LOXL2: variants seen among roughly 807,000 people sequenced by gnomAD.
LOXL2 encodes lysyl oxidase like 2, also known as lysyl oxidase homolog 2.
In LOXL2, 70 loss-of-function variants were observed where a neutral mutation model predicts 93.0. That is an observed-to-expected ratio of 0.75 (90% CI 0.62 to 0.92). The LOEUF (loss-of-function observed/expected upper bound fraction) is 0.92. Ranked by LOEUF, LOXL2 falls within the 40% of genes least tolerant of loss-of-function variation. The pLI is 0.00. For missense variants in LOXL2, 973 were observed against 1,054.9 expected (o/e 0.92, Z 1.08); for synonymous variants, 438 against 413.2 (o/e 1.06, Z -0.73).
At chr8:23,341,583 G>A (rs1364828896) in intron 3 of LOXL2, 11 of 308,260 alleles carry the variant, frequency 3.6e-5, no homozygotes, top group Non-Finnish European at 5.0e-5. Context: ...CTTTGAATGC[G>A]GATTTTGCAT....
intron 9 of LOXL2, among the ~76,000 whole-genome samples, chr8:23,315,509 C>T (rs1803380502): frequency 6.6e-6 from 1 of 152,130 alleles, no homozygotes; most frequent in African/African-American, 2.4e-5. Flanking sequence ...TTTTGGATCT[C>T]CCATGAGGAT....
intron 1 of LOXL2, among the ~76,000 whole-genome samples, chr8:23,403,002 G>A (rs1159826408): frequency 2.6e-5 from 4 of 151,976 alleles, no homozygotes; most frequent in Admixed American, 6.6e-5. Context: ...GTTTTTTGAT[G>A]GTCTTAGCTC....
At chr8:23,329,656 C>T (rs1304074027) in intron 5 of LOXL2, among the ~76,000 whole-genome samples, 1 of 152,214 alleles carries the variant, frequency 6.6e-6, no homozygotes, top group Non-Finnish European at 1.5e-5. Flanking sequence ...TTCAACTCCA[C>T]AGAGGGAGTG....
intron 1 of LOXL2, among the ~76,000 whole-genome samples, chr8:23,388,838 A>G (rs1263356831): frequency 1.3e-5 from 2 of 152,136 alleles, no homozygotes; most frequent in Admixed American, 1.3e-4. Context: ...ACTTTTAAGC[A>G]GGGCTTGTAT....
In LOXL2 at chr8:23,328,268, A is replaced by G. The variant is rs534980065; in HGVS notation, c.1150+114T>C. 28 of 1,146,412 alleles carry G rather than the reference A, an allele frequency of 2.4e-5. No individual in the cohort carries two copies. In the African/African-American group the frequency reaches 3.8e-4, roughly 16 times the overall value. 71.0% of individuals were successfully genotyped at this position (1,146,412 alleles called of 1,614,324 possible). On this transcript the variant is annotated intron_variant, in intron 6 of 13. Transcript: ENST00000389131. ...TGGGATTCTCTCCCAGGCAGCCACT[A>G]AAGGGAGGAGGGAAAGTGAGGATTT...
chr8:23,363,710 G>A (rs931279651), intron 2 of LOXL2: 1 of 152,156 alleles, frequency 6.6e-6, no homozygotes, highest in African/African-American at 2.4e-5. Context: ...CTGCCCCAAA[G>A]AGCTGCTCTC....
At chr8:23,322,304 C>G in intron 6 of LOXL2, 23 bp from the exon 7 acceptor site, 3 of 1,606,958 alleles carry the variant, frequency 1.9e-6, no homozygotes, top group Non-Finnish European at 2.6e-6. Context: ...AATAAACATG[C>G]TCTATGAAAG....
chr8:23,358,092 G>A (rs1281304715), intron 3 of LOXL2, among the ~76,000 whole-genome samples: 1 of 152,220 alleles, frequency 6.6e-6, no homozygotes, highest in African/African-American at 2.4e-5. Context: ...TATAAGGAAT[G>A]AAGATGGAAA....
chr8:23,329,373 C>T (rs1803637466), intron 5 of LOXL2, among the ~76,000 whole-genome samples: 1 of 152,228 alleles, frequency 6.6e-6, no homozygotes, highest in South Asian at 2.1e-4. Flanking sequence ...CCAGTGTTCA[C>T]TGACAGTCTG....
At position 23,307,761 on chromosome 8, in the gene LOXL2, C is replaced by G. The variant is rs145361306; in HGVS notation, c.1880+1907G>C. Among the ~76,000 whole-genome samples the G allele has an allele frequency of 1.5e-3, 231 of 152,280 alleles. 1 individual carries two copies. Among genetic ancestry groups the G allele is most frequent in the African/African-American group, 5.1e-3 (214 of 41,562 alleles). ...TCATGACTTTAACTCTACTGACTTACAACCTGAAGAAGACTAGCCTGCTTC... is the reference window on the plus strand; with the variant it reads ...TCATGACTTTAACTCTACTGACTTAGAACCTGAAGAAGACTAGCCTGCTTC... On this transcript the variant is annotated intron_variant, in intron 10 of 13. Coordinates refer to ENST00000389131, the MANE Select transcript of LOXL2 (RefSeq NM_002318.3).
chr8:23,386,137 G>A (rs1804756786), intron 1 of LOXL2: 1 of 723,256 alleles, frequency 1.4e-6, no homozygotes, highest in Non-Finnish European at 2.5e-6. Context: ...AACCAGGCCA[G>A]CCAGATACCA....
chr8:23,368,234 G>C lies in LOXL2; in HGVS notation c.118C>G (p.Pro40Ala), dbSNP rs780835410. 1.2e-6 allele frequency: 2 copies of C among 1,613,986 alleles called. No individual in the cohort carries two copies. The highest frequency in any genetic ancestry group is 1.3e-5 in the African/African-American group (1 of 75,066). Residue 40 changes from proline (P) to alanine (A), a missense_variant, in exon 2 of 14, where the codon CCG (proline) becomes GCG (alanine). Physicochemically the swap from Pro to Ala is conservative, Grantham distance 27. Coordinates refer to ENST00000389131, the MANE Select transcript of LOXL2 (RefSeq NM_002318.3). ...TGGGGCTGGTGATACTCAGGAGCCG[G>C]TTGCTGGAAGTACTCGGGGTAATGG... Reference protein sequence around the residue: ...WPHYPEYFQQPAPEYHQPQAP... With the variant: ...WPHYPEYFQQAAPEYHQPQAP...
intron 13 of LOXL2, among the ~76,000 whole-genome samples, chr8:23,298,569 T>A (rs1803076739): frequency 6.6e-6 from 1 of 152,244 alleles, no homozygotes; most frequent in African/African-American, 2.4e-5. Flanking sequence ...AATGAGCCAG[T>A]GGCCTCAGCT....
At chr8:23,356,815 C>T (rs73224483) in intron 3 of LOXL2, among the ~76,000 whole-genome samples, 24,224 of 152,190 alleles carry the variant, frequency 0.16, 2,141 homozygotes, top group Admixed American at 0.24. Context: ...AGGTTGCCCT[C>T]TCTGGGTTTC....
chr8:23,316,868 C>T, intron 9 of LOXL2, 81 bp downstream of exon 9: 1 of 1,346,854 alleles, frequency 7.4e-7, no homozygotes, highest in Non-Finnish European at 9.9e-7. Context: ...CATGGCAAGG[C>T]TTCAGAGTCT....
chr8:23,384,849 G>A (rs1765611049), intron 1 of LOXL2, among the ~76,000 whole-genome samples: 3 of 152,104 alleles, frequency 2.0e-5, no homozygotes, highest in African/African-American at 7.2e-5. Flanking sequence ...AGGAGGCAGA[G>A]GTTGCAGTGA....
At chr8:23,385,378 C>T (rs2117230441) in intron 1 of LOXL2, among the ~76,000 whole-genome samples, 1 of 150,286 alleles carries the variant, frequency 6.7e-6, no homozygotes, top group East Asian at 2.0e-4. Context: ...TCCCAAGTAG[C>T]TGGGATTACA....
intron 10 of LOXL2, 53 bp downstream of exon 10, chr8:23,309,615 C>G: frequency 7.3e-7 from 1 of 1,371,376 alleles, no homozygotes; most frequent in Non-Finnish European, 9.5e-7. Flanking sequence ...CATCTGAGGC[C>G]TGCAGGATGT....
At position 23,316,260 on chromosome 8, in the gene LOXL2, G is replaced by A. The variant is rs189713140; in HGVS notation, c.1636+689C>T. Among the ~76,000 whole-genome samples, 30 of 152,320 alleles carry A rather than the reference G, an allele frequency of 2.0e-4. No individual in the cohort carries two copies. In the East Asian group the frequency reaches 5.0e-3, roughly 25 times the overall value. ...AACTAAAGACCACAGAGGCTGACACGCTTTTCCAAGATCAGCCAATAAGGC... is the reference window on the plus strand; with the variant it reads ...AACTAAAGACCACAGAGGCTGACACACTTTTCCAAGATCAGCCAATAAGGC... On this transcript the variant is annotated intron_variant, in intron 9 of 13. Coordinates refer to ENST00000389131, the MANE Select transcript of LOXL2 (RefSeq NM_002318.3).
Sources: allele counts gnomAD v4.1 joint callset (sites outside exome capture counted in the v4.1 genomes callset), GRCh38; gene constraint gnomAD v4.1.1; transcripts MANE v1.5; gene names NCBI Gene and HGNC (gene_info 2026-07-23, HGNC 2026-07-21).